The following FNBP4 variants were observed in gnomAD, a reference collection of about 807,000 sequenced individuals.
The protein encoded by FNBP4 is formin-binding protein 4.
A neutral mutation model predicts 119.3 loss-of-function variants in FNBP4; 34 were observed. The ratio of observed to expected loss-of-function variants is 0.28; its 90% CI spans 0.22 to 0.38. The LOEUF (loss-of-function observed/expected upper bound fraction) is 0.38, where lower values mean the gene tolerates loss of function less well. FNBP4 is among the 10% of genes least tolerant of loss of function. FNBP4 has a pLI of 1.00. For missense variants in FNBP4, 1,112 were observed against 1,228.9 expected, an observed-to-expected ratio of 0.90 and a Z score of 1.42; for synonymous variants, 462 against 430.6, an observed-to-expected ratio of 1.07 and a Z score of -0.90.
At position 47,732,827 on chromosome 11, in the gene FNBP4, T is replaced by C. The variant is rs1365063505; in HGVS notation, c.1687-157A>G. ...TAAACCCCATCTTCATCTCATAAAA[T>C]AATCTTAAGGCCGGGCATGGTGGCT... On this transcript the variant is annotated intron_variant, in intron 10 of 16. Coordinates refer to ENST00000263773, the MANE Select transcript of FNBP4 (RefSeq NM_015308.5). The surrounding 1 kb of genome is among the most constrained non-coding windows in gnomAD (Gnocchi z 4.2). 1.3e-5 allele frequency among the ~76,000 whole-genome samples: 2 copies of C among 152,126 alleles called. No homozygotes were observed. The highest frequency in any genetic ancestry group is 1.3e-4 in the Admixed American group (2 of 15,272).
At chr11:47,760,896 A>C (rs2097632831) in intron 2 of FNBP4, among the ~76,000 whole-genome samples, 1 of 152,202 alleles carries the variant, frequency 6.6e-6, no homozygotes, top group African/African-American at 2.4e-5. Context: ...GGCAACAGGT[A>C]CCAAGAGCTA....
At position 47,767,054 on chromosome 11, in the gene FNBP4, C is replaced by T. The variant is rs1393818189; in HGVS notation, c.220+15G>A. The T allele has an allele frequency of 2.6e-6, 4 of 1,522,232 alleles. No homozygotes were observed. Among genetic ancestry groups the T allele is most frequent in the Non-Finnish European group, 3.5e-6 (4 of 1,141,534 alleles). The allele number at this position is 1,522,232 out of a possible 1,614,324, so 94.3% of individuals were successfully genotyped here. A position where few individuals can be genotyped will look rare whatever the true frequency, so the allele number is the denominator to read the frequency against. On this transcript the variant is annotated intron_variant, in intron 1 of 16. Coordinates refer to ENST00000263773, the MANE Select transcript of FNBP4 (RefSeq NM_015308.5). ...AGCCCTGAGCTCGAGTTCAGGTCCC[C>T]CCGCGCACCCTTGCCTTCTGAAGGC...
At chr11:47,763,523 C>G (rs1030456811) in intron 2 of FNBP4, among the ~76,000 whole-genome samples, 1 of 148,912 alleles carries the variant, frequency 6.7e-6, no homozygotes, top group Non-Finnish European at 1.5e-5. Flanking sequence ...TGTTTTGAGA[C>G]GGAGTCTTGC....
intron 7 of FNBP4, among the ~76,000 whole-genome samples, chr11:47,744,912 A>G (rs2097587441): frequency 6.6e-6 from 1 of 152,194 alleles, no homozygotes; most frequent in Non-Finnish European, 1.5e-5. Context: ...CTGTTGTGGG[A>G]AGTCAGGGAT....
At chr11:47,751,889 G>A (rs1291898567) in intron 4 of FNBP4, among the ~76,000 whole-genome samples, 7 of 151,732 alleles carry the variant, frequency 4.6e-5, no homozygotes, top group South Asian at 4.2e-4. Context: ...CAAAGGCTGC[G>A]ATGAGCCAAG....
intron 8 of FNBP4, among the ~76,000 whole-genome samples, chr11:47,742,124 T>C (rs2097582906): frequency 1.3e-5 from 2 of 152,138 alleles, no homozygotes; most frequent in Admixed American, 6.6e-5. Context: ...CACTCATACA[T>C]ACCTAACTGT....
At chr11:47,740,032 T>A (rs1363166875) in intron 8 of FNBP4, among the ~76,000 whole-genome samples, 1 of 152,018 alleles carries the variant, frequency 6.6e-6, no homozygotes, top group African/African-American at 2.4e-5. Context: ...ACTCTCAATC[T>A]CGGGTGATCC....
rs1366647622 is a variant in FNBP4 at position 47,744,091 on chromosome 11, G to C, written c.1318C>G (p.Pro440Ala). 1 of 1,614,048 alleles carries C rather than the reference G, an allele frequency of 6.2e-7. No homozygotes were observed. Among genetic ancestry groups the C allele is most frequent in the Admixed American group, 1.7e-5 (1 of 59,986 alleles). The change falls in exon 8 of 17, where the codon CCA (proline) becomes GCA (alanine). Residue 440 changes from proline to alanine, a missense_variant. This residue lies in a region of FNBP4 where 826 missense variants were observed against 988.8 expected (regional missense o/e 0.84). Coordinates refer to ENST00000263773, the MANE Select transcript of FNBP4 (RefSeq NM_015308.5). ...GSSPRSDISQ[P>A]ASQDGMRRLM... ...CTACGCATTCCATCTTGAGATGCTG[G>C]CTGGCTGATATCAGAACGTGGACTA...
chr11:47,722,354 C>G (rs2097556795), intron 15 of FNBP4, among the ~76,000 whole-genome samples: 1 of 150,174 alleles, frequency 6.7e-6, no homozygotes, highest in South Asian at 2.1e-4. Flanking sequence ...GTTCAAGCGA[C>G]TCTCCCGCCT....
chr11:47,742,554 C>T (rs962807293), intron 8 of FNBP4, among the ~76,000 whole-genome samples: 1 of 132,274 alleles, frequency 7.6e-6, no homozygotes, highest in Admixed American at 7.9e-5. Flanking sequence ...AGAGGATTTA[C>T]AGAATTTTCC....
chr11:47,744,541 C>CATG (rs1446461700), intron 7 of FNBP4, among the ~76,000 whole-genome samples: 1 of 152,152 alleles, frequency 6.6e-6, no homozygotes, highest in Non-Finnish European at 1.5e-5. Flanking sequence ...GGATTACAGG[C>CATG]ATGAGCCACT....
intron 16 of FNBP4, among the ~76,000 whole-genome samples, chr11:47,719,570 G>A (rs1006573902): frequency 5.6e-5 from 5 of 89,956 alleles, no homozygotes; most frequent in African/African-American, 1.8e-4. Context: ...AATATGTTAT[G>A]TGTGTATGTG....
chr11:47,764,049 C>T (rs1271967691), intron 2 of FNBP4, among the ~76,000 whole-genome samples: 2 of 152,082 alleles, frequency 1.3e-5, no homozygotes, highest in Non-Finnish European at 2.9e-5. Context: ...GTTGACATCA[C>T]GAGAGGACAT....
chr11:47,734,212 G>T, intron 9 of FNBP4, 83 bp from the exon 10 acceptor site: 6 of 717,994 alleles, frequency 8.4e-6, no homozygotes, highest in Non-Finnish European at 1.1e-5. Context: ...TATTCTTATA[G>T]ATATTAGAAA....
At chr11:47,730,118 G>C (rs2097565741) in intron 12 of FNBP4, 6 of 985,414 alleles carry the variant, frequency 6.1e-6, no homozygotes, top group Non-Finnish European at 7.2e-6. Flanking sequence ...GAACATATAA[G>C]GGATGTTGAC....
chr11:47,752,798 A>G, intron 4 of FNBP4, 118 bp downstream of exon 4: 1 of 959,000 alleles, frequency 1.0e-6, no homozygotes, highest in Non-Finnish European at 1.6e-6. Context: ...TGGGCGACAG[A>G]GCGAGATTCC....
chr11:47,766,151 T>C (rs927148677), intron 1 of FNBP4, among the ~76,000 whole-genome samples: 1 of 151,884 alleles, frequency 6.6e-6, no homozygotes, highest in Non-Finnish European at 1.5e-5. Flanking sequence ...CCGTCTCTAC[T>C]GAAAATACAA....
chr11:47,765,417 AACTGCAGTCAGATTCCAGACC>A, intron 1 of FNBP4, 55 bp from the exon 2 acceptor site: 1 of 1,315,908 alleles, frequency 7.6e-7, no homozygotes, highest in Non-Finnish European at 1.1e-6. Flanking sequence ...AAGAAAAGAA[AACTGCAGTCAGATTCCAGACC>A]AGAGAAAACA....
chr11:47,764,093 T>C (rs771616720), intron 2 of FNBP4, among the ~76,000 whole-genome samples: 66 of 152,058 alleles, frequency 4.3e-4, no homozygotes, highest in Non-Finnish European at 7.6e-4. Flanking sequence ...AAGTTTCTCC[T>C]AGAAACATTT....
Sources: gnomAD v4.1 joint callset for allele counts (sites outside exome capture counted in the v4.1 genomes callset) on GRCh38, gnomAD v4.1.1 for gene constraint, gnomAD v4.1.1 regional missense constraint, Gnocchi (gnomAD v3.1) non-coding constraint, MANE v1.5 for transcripts, NCBI Gene and HGNC (gene_info 2026-07-23, HGNC 2026-07-21) for gene names.